The following PRTFDC1 variants were observed in gnomAD, a reference collection of about 807,000 sequenced individuals.
PRTFDC1 encodes the protein phosphoribosyl transferase domain containing 1.
A neutral mutation model predicts 34.6 loss-of-function variants in PRTFDC1; 38 were observed. The observed-to-expected ratio is 1.10, with a 90% confidence interval of 0.85 to 1.44. The LOEUF (loss-of-function observed/expected upper bound fraction) is 1.44. Ranked by LOEUF, PRTFDC1 falls within the 40% of genes most tolerant of loss-of-function variation. PRTFDC1 has a pLI of 0.00. For synonymous variants in PRTFDC1, 93 were observed against 98.1 expected (o/e 0.95, Z 0.31); for missense variants, 270 against 283.0 (o/e 0.95, Z 0.33).
chr10:24,941,744 T>A (rs1337735317), intron 2 of PRTFDC1, among the ~76,000 whole-genome samples: 1 of 152,026 alleles, frequency 6.6e-6, no homozygotes, highest in Non-Finnish European at 1.5e-5. Context: ...TGCAAGAATT[T>A]GTTTAAATTA....
At chr10:24,887,891 T>C (rs1443345685) in intron 3 of PRTFDC1, among the ~76,000 whole-genome samples, 9 of 151,710 alleles carry the variant, frequency 5.9e-5, no homozygotes, top group Non-Finnish European at 1.3e-4. Context: ...GTTCACTGCA[T>C]ATGCATCTGT....
At chr10:24,947,232 A>C (rs929026189) in intron 1 of PRTFDC1, among the ~76,000 whole-genome samples, 1 of 152,240 alleles carries the variant, frequency 6.6e-6, no homozygotes, top group Non-Finnish European at 1.5e-5. Context: ...ATTAATCTTA[A>C]ATAGTGAGTT....
intron 3 of PRTFDC1, among the ~76,000 whole-genome samples, chr10:24,936,964 C>A (rs555613092): frequency 1.1e-4 from 16 of 152,178 alleles, no homozygotes; most frequent in African/African-American, 3.9e-4. Flanking sequence ...CTGAGTCTTC[C>A]CATATATGTG....
At chr10:24,866,790 G>T (rs1262659541) in intron 4 of PRTFDC1, among the ~76,000 whole-genome samples, 1 of 82,942 alleles carries the variant, frequency 1.2e-5, no homozygotes, top group Admixed American at 1.1e-4. Context: ...AGAAAAGAAA[G>T]AAAGAGAGAG....
chr10:24,937,001 C>A (rs145398746), intron 3 of PRTFDC1, among the ~76,000 whole-genome samples, 183 bp downstream of exon 3: 4 of 152,170 alleles, frequency 2.6e-5, no homozygotes, highest in Non-Finnish European at 5.9e-5. Context: ...CCCCACCCCA[C>A]GCCCTAAATA....
intron 4 of PRTFDC1, among the ~76,000 whole-genome samples, chr10:24,860,486 C>T (rs1847661918): frequency 6.6e-6 from 1 of 152,164 alleles, no homozygotes; most frequent in South Asian, 2.1e-4. Context: ...ACCACCAAAC[C>T]AGCCGACCAA....
intron 2 of PRTFDC1, among the ~76,000 whole-genome samples, chr10:24,939,793 C>CAA (rs55974992): frequency 9.9e-4 from 71 of 71,500 alleles, no homozygotes; most frequent in East Asian, 2.4e-3. Context: ...GACTCTATCT[C>CAA]AAAAAAAAAA....
At chr10:24,887,624 T>C (rs774767436) in intron 3 of PRTFDC1, among the ~76,000 whole-genome samples, 1 of 152,114 alleles carries the variant, frequency 6.6e-6, no homozygotes, top group Non-Finnish European at 1.5e-5. Context: ...CCAGTCTCGG[T>C]GTGTCCTTAT....
At position 24,856,909 on chromosome 10, in the gene PRTFDC1, T is replaced by A; in HGVS notation, c.506+4A>T. On this transcript the variant is annotated splice_donor_region_variant and intron_variant, in intron 6 of 8. Transcript: ENST00000320152. ...AATCACCATGCTATGAATGTCCAACTCACCTGGCTACCTTAATCATGTTGG... is the reference window on the plus strand; with the variant it reads ...AATCACCATGCTATGAATGTCCAACACACCTGGCTACCTTAATCATGTTGG... 1.9e-6 allele frequency: 3 copies of A among 1,604,886 alleles called. No individual in the cohort carries two copies. The highest frequency in any genetic ancestry group is 2.6e-6 in the Non-Finnish European group (3 of 1,171,580).
At chr10:24,891,715 C>T (rs138109002) in intron 3 of PRTFDC1, among the ~76,000 whole-genome samples, 5 of 152,174 alleles carry the variant, frequency 3.3e-5, no homozygotes, top group South Asian at 2.1e-4. Context: ...GAGCTGTAAT[C>T]GTGCCACTGC....
chr10:24,874,725 C>G (rs536751302), intron 3 of PRTFDC1, among the ~76,000 whole-genome samples: 1 of 152,104 alleles, frequency 6.6e-6, no homozygotes, highest in African/African-American at 2.4e-5. Flanking sequence ...AGTGTACAAA[C>G]GTGTTTTTTT....
intron 3 of PRTFDC1, among the ~76,000 whole-genome samples, chr10:24,907,352 T>A (rs751304746): frequency 2.6e-5 from 4 of 152,124 alleles, no homozygotes; most frequent in Non-Finnish European, 5.9e-5. Context: ...CCCAGCACTT[T>A]CGGAGGCTGA....
At chr10:24,941,604 T>C (rs1344620203) in intron 2 of PRTFDC1, among the ~76,000 whole-genome samples, 1 of 152,128 alleles carries the variant, frequency 6.6e-6, no homozygotes, top group African/African-American at 2.4e-5. Context: ...GAATATGCAT[T>C]TTAACAAGTT....
intron 4 of PRTFDC1, among the ~76,000 whole-genome samples, chr10:24,869,979 G>A (rs1847846599): frequency 6.6e-6 from 1 of 152,202 alleles, no homozygotes; most frequent in Non-Finnish European, 1.5e-5. Context: ...TTATGGACCA[G>A]GTATGGTCTC....
rs1172301799 is a variant in PRTFDC1 at position 24,871,998 on chromosome 10, C to T, written c.405G>A (p.Lys135=). 3.2e-5 allele frequency: 51 copies of T among 1,609,048 alleles called. No homozygotes were observed. Among genetic ancestry groups the T allele is most frequent in the Non-Finnish European group, 4.3e-5 (50 of 1,175,632 alleles). Residue 135 remains lysine, a splice_region_variant and synonymous_variant, in exon 4 of 9, where the codon AAG becomes AAA. Transcript: ENST00000320152. ...TCTGAGCACAGTTACATGAACAAACCTTTCCAGCCAGCGTTGAAAGATCAT... is the reference window on the plus strand; with the variant it reads ...TCTGAGCACAGTTACATGAACAAACTTTTCCAGCCAGCGTTGAAAGATCAT... ...GGDDLSTLAG[K]NVLIVEDVVG... is the part of the protein sequence containing the mutation.
At chr10:24,933,639 C>T (rs1230078663) in intron 3 of PRTFDC1, among the ~76,000 whole-genome samples, 1 of 150,176 alleles carries the variant, frequency 6.7e-6, no homozygotes, top group Non-Finnish European at 1.5e-5. Flanking sequence ...GGAACTGTCA[C>T]ATATGCTGGT....
At chr10:24,855,141 G>A (rs1264117517) in intron 7 of PRTFDC1, among the ~76,000 whole-genome samples, 177 bp downstream of exon 7, 1 of 152,174 alleles carries the variant, frequency 6.6e-6, no homozygotes, top group African/African-American at 2.4e-5. Context: ...GAAGGGTTCT[G>A]TTTTCCCTAT....
At chr10:24,921,563 C>T (rs556117233) in intron 3 of PRTFDC1, among the ~76,000 whole-genome samples, 232 of 152,078 alleles carry the variant, frequency 1.5e-3, no homozygotes, top group Non-Finnish European at 3.0e-3. Context: ...TTTTCCTTTC[C>T]ACTCCTGCCT....
chr10:24,879,104 T>C (rs1419466246), intron 3 of PRTFDC1, among the ~76,000 whole-genome samples: 1 of 152,214 alleles, frequency 6.6e-6, no homozygotes, highest in Non-Finnish European at 1.5e-5. Flanking sequence ...CTCGAATTGA[T>C]TTTTTTCAAA....
Sources: gnomAD v4.1 joint callset for allele counts (sites outside exome capture counted in the v4.1 genomes callset) on GRCh38, gnomAD v4.1.1 for gene constraint, MANE v1.5 for transcripts, NCBI Gene and HGNC (gene_info 2026-07-23, HGNC 2026-07-21) for gene names.